The following VSTM4 variants were observed in gnomAD, a reference collection of about 807,000 sequenced individuals.
VSTM4 encodes the protein V-set and transmembrane domain-containing protein 4.
Under a neutral mutation model 36.4 loss-of-function variants are expected in VSTM4, and 20 were observed. That is an observed-to-expected ratio of 0.55 (90% CI 0.39 to 0.80). The LOEUF is 0.80. VSTM4 is among the 30% of genes least tolerant of loss of function. The pLI, the probability that VSTM4 is intolerant of heterozygous loss-of-function variation, is 0.00. For synonymous variants in VSTM4, 182 were observed against 173.9 expected (o/e 1.05, Z -0.37); for missense variants, 392 against 404.5 (o/e 0.97, Z 0.26).
chr10:49,035,864 C>T (rs1214830232), intron 7 of VSTM4, among the ~76,000 whole-genome samples: 3 of 152,000 alleles, frequency 2.0e-5, no homozygotes, highest in African/African-American at 7.3e-5. Flanking sequence ...ATAAAGACTC[C>T]TTGAAAGTAA....
intron 7 of VSTM4, among the ~76,000 whole-genome samples, chr10:49,022,237 A>G (rs987996842): frequency 2.6e-5 from 4 of 152,078 alleles, no homozygotes; most frequent in African/African-American, 9.7e-5. Context: ...TGCTCTTTAT[A>G]AGGATGTCAG....
chr10:49,107,272 G>T (rs986399789), intron 2 of VSTM4, among the ~76,000 whole-genome samples: 1 of 152,222 alleles, frequency 6.6e-6, no homozygotes, highest in Non-Finnish European at 1.5e-5. Flanking sequence ...CCAGGGTCCA[G>T]CTTTGTTTAC....
intron 2 of VSTM4, among the ~76,000 whole-genome samples, chr10:49,091,211 A>G (rs1303578269): frequency 6.6e-6 from 1 of 152,158 alleles, no homozygotes; most frequent in African/African-American, 2.4e-5. Context: ...CTGCTTTGTC[A>G]TTGCCTTGGG....
chr10:49,062,902 T>C (rs1240341313), intron 5 of VSTM4, among the ~76,000 whole-genome samples: 1 of 152,140 alleles, frequency 6.6e-6, no homozygotes, highest in Non-Finnish European at 1.5e-5. Flanking sequence ...GAACAGTGAG[T>C]TTTTCATTTC....
chr10:49,064,320 C>A lies in VSTM4; in HGVS notation c.668+383G>T, dbSNP rs530625798. On this transcript the variant is annotated intron_variant, in intron 5 of 7. Coordinates refer to ENST00000332853, the MANE Select transcript of VSTM4 (RefSeq NM_001031746.5). ...TTACCTATAAAGTGTGCCTCACCAG[C>A]TAAAAGCAGGGCATACAGTAAGTCA... 53 of 224,796 alleles carry A rather than the reference C, an allele frequency of 2.4e-4. No homozygotes were observed. In the South Asian group the frequency reaches 4.0e-3, roughly 17 times the overall value. The allele number at this position is 224,796 out of a possible 1,614,324, so 13.9% of individuals were successfully genotyped here.
At chr10:49,025,195 T>C (rs1489123873) in intron 7 of VSTM4, among the ~76,000 whole-genome samples, 2 of 152,146 alleles carry the variant, frequency 1.3e-5, no homozygotes, top group Non-Finnish European at 2.9e-5. Context: ...TGTTTTAAGC[T>C]GCCCTGACTA....
At chr10:49,103,940 A>C in intron 2 of VSTM4, 1 of 1,169,444 alleles carries the variant, frequency 8.6e-7, no homozygotes, top group Non-Finnish European at 1.2e-6. Flanking sequence ...TCAAACCCCC[A>C]AGAGCTCCTG....
chr10:49,101,020 C>A (rs1844656116), intron 2 of VSTM4, among the ~76,000 whole-genome samples: 1 of 151,822 alleles, frequency 6.6e-6, no homozygotes, highest in Non-Finnish European at 1.5e-5. Flanking sequence ...TATAAAAAAA[C>A]AGATTCCAAA....
intron 3 of VSTM4, among the ~76,000 whole-genome samples, chr10:49,084,557 C>T (rs1277770282): frequency 6.6e-6 from 1 of 152,142 alleles, no homozygotes; most frequent in Non-Finnish European, 1.5e-5. Context: ...TAAGGATGGC[C>T]CTCCTTCTGC....
chr10:49,072,252 GAGCCTAAGACTTT>G (rs1353305442), intron 4 of VSTM4, among the ~76,000 whole-genome samples: 14 of 152,174 alleles, frequency 9.2e-5, no homozygotes, highest in Admixed American at 6.5e-5. Context: ...GTACCTGCCA[GAGCCTAAGACTTT>G]AGAATCACTG....
chr10:49,051,390 C>CTTT (rs796786621), intron 5 of VSTM4, among the ~76,000 whole-genome samples: 21 of 130,800 alleles, frequency 1.6e-4, no homozygotes, highest in Non-Finnish European at 2.4e-4. Context: ...CAGCTCATTT[C>CTTT]TTTTTTTTTT....
chr10:49,067,250 C>G (rs75249420), intron 4 of VSTM4, among the ~76,000 whole-genome samples: 3,123 of 152,264 alleles, frequency 0.021, 90 homozygotes, highest in South Asian at 0.12. Context: ...ACTATGCAAG[C>G]AAAAAAGTTT....
At chr10:49,077,546 C>A (rs758796083) in intron 3 of VSTM4, among the ~76,000 whole-genome samples, 2 of 152,192 alleles carry the variant, frequency 1.3e-5, no homozygotes, top group Non-Finnish European at 2.9e-5. Context: ...GACAAAAGTG[C>A]AAAAGTAATT....
chr10:49,057,845 G>A (rs1055298745), intron 5 of VSTM4, among the ~76,000 whole-genome samples: 1 of 152,232 alleles, frequency 6.6e-6, no homozygotes, highest in African/African-American at 2.4e-5. Flanking sequence ...ACAACAGTGA[G>A]AAATGGCTGG....
At chr10:49,028,271 T>C (rs1389829950) in intron 7 of VSTM4, among the ~76,000 whole-genome samples, 1 of 152,212 alleles carries the variant, frequency 6.6e-6, no homozygotes, top group Non-Finnish European at 1.5e-5. Flanking sequence ...AGACCAGGTT[T>C]AAAATGCAGT....
intron 3 of VSTM4, among the ~76,000 whole-genome samples, chr10:49,079,344 C>T (rs1018425086): frequency 1.8e-4 from 27 of 152,144 alleles, no homozygotes; most frequent in African/African-American, 6.5e-4. Context: ...GCTAAAATTA[C>T]AGGCATGAGA....
At chr10:49,090,473 A>G (rs1316743245) in intron 2 of VSTM4, among the ~76,000 whole-genome samples, 3 of 152,218 alleles carry the variant, frequency 2.0e-5, no homozygotes, top group Non-Finnish European at 4.4e-5. Flanking sequence ...GGTGAGCCAG[A>G]CAATGGTCCT....
At chr10:49,109,963 A>G (rs971009052) in intron 1 of VSTM4, among the ~76,000 whole-genome samples, 1 of 152,228 alleles carries the variant, frequency 6.6e-6, no homozygotes, top group African/African-American at 2.4e-5. Context: ...CCCTGTGTGA[A>G]GTCCACACAG....
At chr10:49,047,620 C>T (rs1010748538) in intron 6 of VSTM4, among the ~76,000 whole-genome samples, 23 of 152,192 alleles carry the variant, frequency 1.5e-4, no homozygotes, top group Non-Finnish European at 2.5e-4. Context: ...TGAACGACAT[C>T]GAGCAGTATG....
Sources: gnomAD v4.1 joint callset for allele counts (sites outside exome capture counted in the v4.1 genomes callset) on GRCh38, gnomAD v4.1.1 for gene constraint, MANE v1.5 for transcripts, NCBI Gene and HGNC (gene_info 2026-07-23, HGNC 2026-07-21) for gene names.